Variants in KLRD1 observed in about 807,000 individuals in gnomAD.
KLRD1 encodes natural killer cells antigen CD94.
KLRD1 carries 21 observed loss-of-function variants against 22.6 expected under a neutral mutation model. The observed-to-expected ratio is 0.93, with a 90% CI of 0.66 to 1.34. The LOEUF (loss-of-function observed/expected upper bound fraction) is 1.34. KLRD1 is among the 40% of genes most tolerant of loss of function. KLRD1 has a pLI of 0.00. For missense variants in KLRD1, 183 were observed against 208.6 expected, an observed-to-expected ratio of 0.88 and a Z score of 0.76; for synonymous variants, 59 against 71.1, an observed-to-expected ratio of 0.83 and a Z score of 0.85.
intron 1 of KLRD1, among the ~76,000 whole-genome samples, chr12:10,250,593 G>A (rs1214455441): frequency 6.6e-6 from 1 of 151,864 alleles, no homozygotes; most frequent in Non-Finnish European, 1.5e-5. Flanking sequence ...GAGCAGCTGG[G>A]ACTACAGGCT....
chr12:10,307,214 T>A (rs1237940973), upstream of KLRD1, among the ~76,000 whole-genome samples: 1 of 152,136 alleles, frequency 6.6e-6, no homozygotes, highest in East Asian at 1.9e-4. Context: ...AATATAATAA[T>A]GTATTAGTAA....
intron 1 of KLRD1, among the ~76,000 whole-genome samples, chr12:10,246,449 CA>C (rs767530389): frequency 6.6e-6 from 1 of 152,020 alleles, no homozygotes; most frequent in Non-Finnish European, 1.5e-5. Flanking sequence ...GGTTCTTATA[CA>C]GTTCAGAATT....
At chr12:10,261,948 G>C (rs564911054) in intron 1 of KLRD1, among the ~76,000 whole-genome samples, 10 of 152,052 alleles carry the variant, frequency 6.6e-5, no homozygotes, top group African/African-American at 2.4e-4. Flanking sequence ...ATTCCCTTTA[G>C]TTTCTGTGTC....
chr12:10,297,863 A>C (rs993906016), intron 1 of KLRD1, among the ~76,000 whole-genome samples: 2 of 152,194 alleles, frequency 1.3e-5, no homozygotes, highest in Admixed American at 1.3e-4. Flanking sequence ...TTCCCAGATG[A>C]AATATATAAT....
At chr12:10,268,125 T>G (rs140369865) in intron 1 of KLRD1, among the ~76,000 whole-genome samples, 1 of 152,306 alleles carries the variant, frequency 6.6e-6, no homozygotes, top group African/African-American at 2.4e-5. Context: ...GGCATAGTAA[T>G]ATCACTTGGG....
chr12:10,258,518 A>C (rs1425310525), intron 1 of KLRD1, among the ~76,000 whole-genome samples: 1 of 152,226 alleles, frequency 6.6e-6, no homozygotes, highest in African/African-American at 2.4e-5. Context: ...TAAGTTGTTC[A>C]TAGGAATTAT....
chr12:10,286,002 T>C (rs1228178374), intron 1 of KLRD1, among the ~76,000 whole-genome samples: 1 of 152,204 alleles, frequency 6.6e-6, no homozygotes, highest in African/African-American at 2.4e-5. Context: ...CCAATATTGT[T>C]TGCAACAGCA....
chr12:10,277,446 G>GT (rs1006072103), intron 1 of KLRD1, among the ~76,000 whole-genome samples: 2 of 152,012 alleles, frequency 1.3e-5, no homozygotes, highest in African/African-American at 4.8e-5. Flanking sequence ...AGGTGGTGGT[G>GT]TTTTTTTACT....
chr12:10,297,481 T>G (rs1205577546), intron 1 of KLRD1, among the ~76,000 whole-genome samples: 1 of 152,254 alleles, frequency 6.6e-6, no homozygotes, highest in Non-Finnish European at 1.5e-5. Context: ...AATTTCTGTC[T>G]TTACCTAAGA....
rs1012424491 is a variant in KLRD1, at chr12:10,320,249, G to A, written c.*5456G>A. 9 of 106,476 alleles carry A rather than the reference G, an allele frequency of 8.5e-5. No homozygotes were observed. The highest frequency in any genetic ancestry group is 1.6e-4 in the Non-Finnish European group (8 of 49,036). 6.6% of individuals were successfully genotyped at this position (106,476 alleles called of 1,614,324 possible). A position where few individuals can be genotyped will look rare whatever the true frequency, so the allele number is the denominator to read the frequency against. ...TACATATTTTGGTACCAAGAATGAA[G>A]TTACTATTATAAAGAAAAAAAAAAA... On this transcript the variant is annotated 3_prime_UTR_variant, in exon 6 of 6. Transcript: ENST00000336164.
Position 10,311,564 on chromosome 12 carries a change from CTG to C in KLRD1, c.267_268del (p.Ala90PhefsTer14). ...QKTWNESRHLCASQKSSLLQL... is the reference protein window; with the variant it reads ...QKTWNESRHLXASQKSSLLQL... ...AAACTTGGAACGAAAGTCGGCATCT[CTG>C]TGCTTCTCAGAAATCCAGCCTGCTT... is the stretch of plus-strand genomic sequence containing the variant. On this transcript the variant is annotated frameshift_variant, in exon 4 of 6. Transcript: ENST00000336164. LOFTEE classifies it high-confidence loss of function. 9.3e-6 allele frequency: 15 copies of C among 1,614,124 alleles called. No homozygotes were observed. The highest frequency in any genetic ancestry group is 1.3e-5 in the Non-Finnish European group (15 of 1,179,970).
intron 1 of KLRD1, among the ~76,000 whole-genome samples, chr12:10,239,034 T>TA (rs61303809): frequency 0.053 from 8,141 of 152,278 alleles, 733 homozygotes; most frequent in African/African-American, 0.18. Flanking sequence ...TCAAGAATTC[T>TA]AAAAAGCCAG....
At chr12:10,239,531 CTTTCTTTCTT>C (rs1389310239) in intron 1 of KLRD1, among the ~76,000 whole-genome samples, 2,045 of 74,410 alleles carry the variant, frequency 0.027, 78 homozygotes, top group East Asian at 0.08. Context: ...TTCTTTCTTT[CTTTCTTTCTT>C]TCTTTCTTTC....
At chr12:10,252,250 A>C (rs975277807) in intron 1 of KLRD1, among the ~76,000 whole-genome samples, 1 of 152,176 alleles carries the variant, frequency 6.6e-6, no homozygotes, top group African/African-American at 2.4e-5. Flanking sequence ...CAGCTTCAGC[A>C]ACATATTTAT....
Position 10,315,074 on chromosome 12 carries a change from T to C in KLRD1, c.*281T>C. ...TCAATGTAGTTTTATTACACATTTA[T>C]GTAATTTTATTTACATTCTTGCTAA... is the stretch of plus-strand genomic sequence containing the variant. On this transcript the variant is annotated 3_prime_UTR_variant, in exon 6 of 6. Transcript: ENST00000336164. 3.8e-6 allele frequency: 1 copy of C among 266,164 alleles called. No homozygotes were observed. The highest frequency in any genetic ancestry group is 7.1e-6 in the Non-Finnish European group (1 of 140,282). The allele number at this position is 266,164 out of a possible 1,614,324, so 16.5% of individuals were successfully genotyped here.
At chr12:10,284,346 A>AG (rs1335813203) in intron 1 of KLRD1, among the ~76,000 whole-genome samples, 10 of 152,302 alleles carry the variant, frequency 6.6e-5, no homozygotes, top group Admixed American at 5.9e-4. Context: ...CCACATGTGG[A>AG]GGGGCTCAGT....
At chr12:10,245,212 G>A (rs967702240) in intron 1 of KLRD1, among the ~76,000 whole-genome samples, 19 of 151,998 alleles carry the variant, frequency 1.3e-4, no homozygotes, top group African/African-American at 4.1e-4. Flanking sequence ...ACAAAAATTA[G>A]CAGGGCATGG....
chr12:10,292,770 T>C (rs1179146756), intron 1 of KLRD1, among the ~76,000 whole-genome samples: 2 of 152,142 alleles, frequency 1.3e-5, no homozygotes, highest in South Asian at 2.1e-4. Context: ...AGCCTGTCCT[T>C]TGAAGCTTTG....
At chr12:10,304,948 G>C (rs188700308), upstream of KLRD1, among the ~76,000 whole-genome samples, 15 of 152,292 alleles carry the variant, frequency 9.8e-5, no homozygotes, top group Non-Finnish European at 1.9e-4. Context: ...CCTGATGTGA[G>C]CAATTTTCTT....
Sources: gnomAD v4.1 joint callset for allele counts (sites outside exome capture counted in the v4.1 genomes callset) on GRCh38, gnomAD v4.1.1 for gene constraint, MANE v1.5 for transcripts, NCBI Gene and HGNC (gene_info 2026-07-23, HGNC 2026-07-21) for gene names.